TESK2: variants seen among roughly 807,000 people sequenced by gnomAD.
TESK2 encodes the protein testis associated actin remodelling kinase 2, also known as dual specificity testis-specific protein kinase 2.
A neutral mutation model predicts 57.1 loss-of-function variants in TESK2; 39 were observed. That is an observed-to-expected ratio of 0.68 (90% CI 0.53 to 0.89). The LOEUF (loss-of-function observed/expected upper bound fraction) is 0.89, where lower values mean the gene tolerates loss of function less well. Ranked by LOEUF, TESK2 falls within the 40% of genes least tolerant of loss-of-function variation. The probability of loss-of-function intolerance (pLI) is 0.00; values close to 1 mark genes in which losing one functional copy is unlikely to be tolerated. For synonymous variants in TESK2, 249 were observed against 267.9 expected, an observed-to-expected ratio of 0.93 and a Z score of 0.69; for missense variants, 646 against 732.1, an observed-to-expected ratio of 0.88 and a Z score of 1.36.
At chr1:45,490,585 G>A (rs1368504458) in intron 1 of TESK2, among the ~76,000 whole-genome samples, 4 of 152,152 alleles carry the variant, frequency 2.6e-5, no homozygotes, top group African/African-American at 7.2e-5. Flanking sequence ...TCCCTAATGC[G>A]AGCGAGGTAA....
intron 1 of TESK2, among the ~76,000 whole-genome samples, chr1:45,460,584 T>C (rs992742014): frequency 6.6e-6 from 1 of 151,936 alleles, no homozygotes. Flanking sequence ...GCTCATTCCT[T>C]TAATCCAAGC....
At chr1:45,485,191 TTTTTTG>T (rs902409178) in intron 1 of TESK2, among the ~76,000 whole-genome samples, 4 of 128,286 alleles carry the variant, frequency 3.1e-5, no homozygotes, top group East Asian at 2.0e-4. Context: ...TTGTTTTTTG[TTTTTTG>T]TTTTTTTTTG....
At chr1:45,406,397 G>A (rs755460828) in intron 3 of TESK2, among the ~76,000 whole-genome samples, 6 of 152,150 alleles carry the variant, frequency 3.9e-5, no homozygotes, top group Non-Finnish European at 8.8e-5. Flanking sequence ...TGTAATCCCA[G>A]CACTTTGGGA....
At chr1:45,410,756 ATTTAT>A (rs1256889548) in intron 3 of TESK2, among the ~76,000 whole-genome samples, 1 of 151,492 alleles carries the variant, frequency 6.6e-6, no homozygotes, top group Non-Finnish European at 1.5e-5. Flanking sequence ...TTATATATTT[ATTTAT>A]TTTATTTTTT....
At chr1:45,382,049 T>C (rs937130438) in intron 4 of TESK2, among the ~76,000 whole-genome samples, 1 of 151,730 alleles carries the variant, frequency 6.6e-6, no homozygotes. Context: ...TTTTTTAATT[T>C]TTTGTAGAGT....
At chr1:45,376,812 G>A (rs1487067432) in intron 4 of TESK2, among the ~76,000 whole-genome samples, 4 of 152,092 alleles carry the variant, frequency 2.6e-5, no homozygotes, top group African/African-American at 4.8e-5. Context: ...GGAGGGATTC[G>A]TATTATCAAA....
chr1:45,420,574 T>A (rs1557565975), intron 3 of TESK2, among the ~76,000 whole-genome samples: 1 of 148,784 alleles, frequency 6.7e-6, no homozygotes, highest in Admixed American at 6.7e-5. Flanking sequence ...ATTTTTTTTT[T>A]TTTTTTTTTT....
At chr1:45,376,957 C>T (rs371802531) in intron 4 of TESK2, among the ~76,000 whole-genome samples, 1 of 152,178 alleles carries the variant, frequency 6.6e-6, no homozygotes, top group Non-Finnish European at 1.5e-5. Context: ...TGATAGCTCA[C>T]ACCTGTAATC....
intron 4 of TESK2, among the ~76,000 whole-genome samples, chr1:45,362,001 T>C (rs1472211596): frequency 6.6e-6 from 1 of 152,192 alleles, no homozygotes; most frequent in African/African-American, 2.4e-5. Flanking sequence ...ATATGTTATA[T>C]GTATTTTACC....
At chr1:45,425,506 T>C (rs1650651922) in intron 2 of TESK2, among the ~76,000 whole-genome samples, 1 of 151,570 alleles carries the variant, frequency 6.6e-6, no homozygotes. Flanking sequence ...TACAAAAAAA[T>C]TAACTGGGCT....
chr1:45,479,906 T>C (rs1474164479), intron 1 of TESK2, among the ~76,000 whole-genome samples: 3 of 134,928 alleles, frequency 2.2e-5, no homozygotes, highest in Admixed American at 8.6e-5. Flanking sequence ...CACTGCAACC[T>C]CCATCTCCCT....
At chr1:45,401,956 A>G (rs76114699) in intron 3 of TESK2, among the ~76,000 whole-genome samples, 6,537 of 152,140 alleles carry the variant, frequency 0.043, 490 homozygotes, top group African/African-American at 0.15. Context: ...TCTAAAGGTT[A>G]TGGTAACAAC....
chr1:45,427,340 G>A (rs560944865), intron 2 of TESK2, among the ~76,000 whole-genome samples: 2 of 151,904 alleles, frequency 1.3e-5, no homozygotes, highest in Non-Finnish European at 2.9e-5. Context: ...CCACTATGGA[G>A]AACAGTTTGG....
intron 1 of TESK2, among the ~76,000 whole-genome samples, chr1:45,478,709 A>T (rs1267212395): frequency 6.6e-6 from 1 of 151,936 alleles, no homozygotes; most frequent in Non-Finnish European, 1.5e-5. Context: ...AAATGTTAAC[A>T]ATGGTTTTTA....
intron 1 of TESK2, among the ~76,000 whole-genome samples, chr1:45,471,738 G>A (rs1652772013): frequency 6.6e-6 from 1 of 151,958 alleles, no homozygotes. Flanking sequence ...AAGAGGGAAG[G>A]CTTAATTAAG....
At chr1:45,470,202 C>T (rs1652707554) in intron 1 of TESK2, among the ~76,000 whole-genome samples, 4 of 152,124 alleles carry the variant, frequency 2.6e-5, no homozygotes, top group Admixed American at 2.6e-4. Context: ...ATTAAGGATT[C>T]ATTATGAGTA....
chr1:45,474,273 C>G (rs767077182), intron 1 of TESK2, among the ~76,000 whole-genome samples: 1 of 151,906 alleles, frequency 6.6e-6, no homozygotes, highest in Admixed American at 6.6e-5. Flanking sequence ...GGAGGCGGAG[C>G]CTGCAGTGAG....
chr1:45,406,438 G>A (rs1649851365), intron 3 of TESK2, among the ~76,000 whole-genome samples: 1 of 152,076 alleles, frequency 6.6e-6, no homozygotes, highest in Admixed American at 6.6e-5. Context: ...TTGAGGCCAG[G>A]AGTTAGAGAC....
chr1:45,474,124 A>C (rs551204307), intron 1 of TESK2, among the ~76,000 whole-genome samples: 2 of 152,266 alleles, frequency 1.3e-5, no homozygotes, highest in South Asian at 4.1e-4. Context: ...ACCTGACCTC[A>C]GGAGTTCGAG....
Sources: allele counts gnomAD v4.1 joint callset (sites outside exome capture counted in the v4.1 genomes callset), GRCh38; gene constraint gnomAD v4.1.1; transcripts MANE v1.5; gene names NCBI Gene and HGNC (gene_info 2026-07-23, HGNC 2026-07-21).